TSC2: variants seen among roughly 807,000 people sequenced by gnomAD.
The protein encoded by TSC2 is tuberin.
In TSC2, 29 loss-of-function variants were observed where a neutral mutation model predicts 202.2. The observed-to-expected ratio is 0.14, with a 90% CI of 0.11 to 0.20. The LOEUF (loss-of-function observed/expected upper bound fraction) is 0.20, where lower values mean the gene tolerates loss of function less well. Ranked by LOEUF, TSC2 falls within the 10% of genes least tolerant of loss-of-function variation. TSC2 has a pLI of 1.00. For missense variants in TSC2, 2,429 were observed against 2,420.0 expected (o/e 1.00, Z -0.08); for synonymous variants, 1,349 against 1,044.0 (o/e 1.29, Z -5.63).
chr16:2,074,536 G>T, intron 22 of TSC2, 147 bp downstream of exon 22: 2 of 980,612 alleles, frequency 2.0e-6, no homozygotes, highest in Non-Finnish European at 3.1e-6. Context: ...TCTCTGCCCG[G>T]CTGCCATGAG....
rs574308322 is a variant in TSC2, at chr16:2,048,018, G to A, written c.-77G>A. 5.5e-6 allele frequency: 8 copies of A among 1,454,866 alleles called. No individual in the cohort carries two copies. Among genetic ancestry groups the A allele is most frequent in the Admixed American group, 2.5e-5 (1 of 39,902 alleles). 90.1% of individuals were successfully genotyped at this position (1,454,866 alleles called of 1,614,324 possible). On this transcript the variant is annotated 5_prime_UTR_variant, in exon 1 of 42. Coordinates refer to ENST00000219476, the MANE Select transcript of TSC2 (RefSeq NM_000548.5). Reference sequence around the variant, plus strand: ...CGGCGTCCCGGGGCCAGGGGGGTGCGCCTTTCTCCGCGTCGGGGCGGCCCG... The same window carrying A: ...CGGCGTCCCGGGGCCAGGGGGGTGCACCTTTCTCCGCGTCGGGGCGGCCCG...
intron 7 of TSC2, 136 bp downstream of exon 7, chr16:2,056,380 G>T (rs773867705): frequency 7.7e-7 from 1 of 1,296,766 alleles, no homozygotes; most frequent in Non-Finnish European, 1.1e-6. Context: ...TGAGCCTCAG[G>T]AGTCCCCCAT....
chr16:2,062,929 G>T, intron 13 of TSC2, 43 bp from the exon 14 acceptor site: 1 of 1,541,978 alleles, frequency 6.5e-7, no homozygotes, highest in Non-Finnish European at 8.7e-7. Flanking sequence ...TGGGGCTGTG[G>T]CCGGGCACTC....
intron 11 of TSC2, 83 bp downstream of exon 11, chr16:2,060,896 C>A: frequency 6.5e-7 from 1 of 1,547,272 alleles, no homozygotes; most frequent in Non-Finnish European, 8.8e-7. Flanking sequence ...TACCTTGGGC[C>A]CCATCTCTGG....
intron 16 of TSC2, 89 bp downstream of exon 16, chr16:2,065,724 C>A: frequency 8.5e-7 from 1 of 1,176,270 alleles, no homozygotes; most frequent in Non-Finnish European, 1.3e-6. Flanking sequence ...GTCTGTTCCC[C>A]AGCGGGACCC....
At chr16:2,076,800 G>A (rs940861464) in intron 25 of TSC2, 6 of 581,516 alleles carry the variant, frequency 1.0e-5, no homozygotes, top group Admixed American at 8.9e-5. Context: ...CGTGTGCCAC[G>A]GGCACCTACT....
At chr16:2,059,336 CTCT>C (rs1351968312) in intron 10 of TSC2, among the ~76,000 whole-genome samples, 5 of 145,396 alleles carry the variant, frequency 3.4e-5, no homozygotes, top group African/African-American at 1.3e-4. Context: ...TTTTCTCTCT[CTCT>C]TTTTTTTTTT....
At position 2,079,793 on chromosome 16, in the gene TSC2, T is replaced by C. The variant is rs537336776; in HGVS notation, c.3397+124T>C. 1.7e-4 allele frequency: 165 copies of C among 954,042 alleles called. No individual in the cohort carries two copies. In the African/African-American group the frequency reaches 2.6e-3, roughly 15 times the overall value. The allele number at this position is 954,042 out of a possible 1,614,324, so 59.1% of individuals were successfully genotyped here. A position where few individuals can be genotyped will look rare whatever the true frequency, so the allele number is the denominator to read the frequency against. On this transcript the variant is annotated intron_variant, in intron 29 of 41. Transcript: ENST00000219476. This position sits in a 1 kb window ranked among gnomAD's most constrained non-coding sequence, Gnocchi z 4.6. ...TGGCTGGCTTCAGGCCCGGCCCACG[T>C]CCTGACTCTGGGGTGAGCCTTCCAC...
chr16:2,081,984 C>A, intron 31 of TSC2, 186 bp downstream of exon 31: 1 of 855,816 alleles, frequency 1.2e-6, no homozygotes, highest in Admixed American at 2.1e-5. Context: ...CTGCCCTGCT[C>A]AGGAAGCTGG....
intron 26 of TSC2, chr16:2,078,773 A>G (rs2089742974): frequency 1.8e-6 from 1 of 551,236 alleles, no homozygotes; most frequent in Admixed American, 3.1e-5. Context: ...GGCTTCGGTG[A>G]GGGGGATGTC....
At chr16:2,076,710 A>T in intron 25 of TSC2, 125 bp downstream of exon 25, 1 of 995,996 alleles carries the variant, frequency 1.0e-6, no homozygotes. Context: ...GGAGTATGTG[A>T]GGCAGGGCAG....
rs1183058036 is a variant in TSC2 at position 2,047,987 on chromosome 16, T to C, written c.-108T>C. 4.6e-6 allele frequency: 7 copies of C among 1,512,212 alleles called. No homozygotes were observed. The highest frequency in any genetic ancestry group is 4.2e-5 in the African/African-American group (3 of 71,224). The allele number at this position is 1,512,212 out of a possible 1,614,324, so 93.7% of individuals were successfully genotyped here. ...CCGCTACCGGAAGTGCGGGTCGCGCTTCCGGCGGCGTCCCGGGGCCAGGGG... is the reference window on the plus strand; with the variant it reads ...CCGCTACCGGAAGTGCGGGTCGCGCCTCCGGCGGCGTCCCGGGGCCAGGGG... On this transcript the variant is annotated 5_prime_UTR_variant, in exon 1 of 42. Transcript: ENST00000219476.
Position 2,088,515 on chromosome 16 carries a change from C to T in TSC2, c.5329C>T (p.Pro1777Ser), listed in dbSNP as rs781226141. The T allele has an allele frequency of 1.2e-5, 20 of 1,612,610 alleles. No homozygotes were observed. The highest frequency in any genetic ancestry group is 4.0e-5 in the African/African-American group (3 of 74,902). ...LVHPPSHSKA[P>S]AQTPAEPTPG... Reference sequence around the variant, plus strand: ...GCACCCTCCGTCCCATAGCAAAGCCCCTGCACAGACTCCAGCCGAGCCCAC... The same window carrying T: ...GCACCCTCCGTCCCATAGCAAAGCCTCTGCACAGACTCCAGCCGAGCCCAC... The change falls in exon 42 of 42, where the codon CCT becomes TCT. Residue 1777 changes from proline to serine, a missense_variant. Pro to Ser is a moderately conservative substitution (Grantham distance 74). Coordinates refer to ENST00000219476, the MANE Select transcript of TSC2 (RefSeq NM_000548.5).
At chr16:2,059,785 C>T (rs932443721) in intron 10 of TSC2, among the ~76,000 whole-genome samples, 1 of 152,134 alleles carries the variant, frequency 6.6e-6, no homozygotes, top group African/African-American at 2.4e-5. Context: ...TCCCAAAGTG[C>T]TGGAATTATA....
At chr16:2,076,427 G>C (rs1419901754) in intron 24 of TSC2, 64 bp from the exon 25 acceptor site, 1 of 1,605,630 alleles carries the variant, frequency 6.2e-7, no homozygotes, top group Admixed American at 1.7e-5. Flanking sequence ...CACCCGGCAG[G>C]CCTGGTGAGG....
chr16:2,052,657 ATGAGCCTG>A (rs2085276550), intron 3 of TSC2, among the ~76,000 whole-genome samples: 1 of 152,218 alleles, frequency 6.6e-6, no homozygotes, highest in African/African-American at 2.4e-5. Flanking sequence ...AAGGCCAGGA[ATGAGCCTG>A]TGGTCTGAAA....
rs2088722275 is a variant in TSC2, at chr16:2,073,044, A to G, written c.2355+61A>G. On this transcript the variant is annotated intron_variant, in intron 21 of 41. Coordinates refer to ENST00000219476, the MANE Select transcript of TSC2 (RefSeq NM_000548.5). ...GGCCTGGGATTCGAGGGCCTGGCCCAGGTAGGCCCCACATTTTTCTCATAA... is the reference window on the plus strand; with the variant it reads ...GGCCTGGGATTCGAGGGCCTGGCCCGGGTAGGCCCCACATTTTTCTCATAA... The G allele has an allele frequency of 5.6e-6, 9 of 1,610,238 alleles. No individual in the cohort carries two copies. The South Asian group carries it at 9.9e-5, about 18-fold the overall frequency.
chr16:2,056,975 G>C, intron 8 of TSC2, 130 bp from the exon 9 acceptor site: 2 of 1,385,410 alleles, frequency 1.4e-6, no homozygotes, highest in Non-Finnish European at 1.0e-6. Context: ...CTGTCTTTGG[G>C]AGGAGATGGT....
intron 15 of TSC2, chr16:2,065,219 C>T: frequency 2.8e-6 from 1 of 359,442 alleles, no homozygotes; most frequent in South Asian, 2.5e-5. Flanking sequence ...CAAGACCATC[C>T]TGGCTAACAC....
Sources: allele counts gnomAD v4.1 joint callset (sites outside exome capture counted in the v4.1 genomes callset), GRCh38; gene constraint gnomAD v4.1.1; non-coding constraint Gnocchi (gnomAD v3.1); transcripts MANE v1.5; gene names NCBI Gene and HGNC (gene_info 2026-07-23, HGNC 2026-07-21).